The following CREB1 variants were observed in gnomAD, a reference collection of about 807,000 sequenced individuals.
The protein encoded by CREB1 is cyclic AMP-responsive element-binding protein 1.
A neutral mutation model predicts 42.0 loss-of-function variants in CREB1; 2 were observed. That is an observed-to-expected ratio of 0.05 (90% CI 0.02 to 0.15). The LOEUF is 0.15. Ranked by LOEUF, CREB1 falls within the 10% of genes least tolerant of loss-of-function variation. The pLI, the probability that CREB1 is intolerant of heterozygous loss-of-function variation, is 1.00. For synonymous variants in CREB1, 123 were observed against 139.9 expected (o/e 0.88, Z 0.85); for missense variants, 199 against 388.9 (o/e 0.51, Z 4.11).
chr2:207,542,800 T>TG (rs1473474975), intron 1 of CREB1, among the ~76,000 whole-genome samples: 3 of 152,206 alleles, frequency 2.0e-5, no homozygotes, highest in Non-Finnish European at 2.9e-5. Context: ...ATACCATTAT[T>TG]TAATGAAAAA....
In CREB1 at chr2:207,567,701, CAAAT is replaced by C. The variant is rs558186624; in HGVS notation, c.362+142_362+145del. The C allele has an allele frequency of 3.6e-4, 189 of 521,552 alleles. 1 individual carries two copies. Among genetic ancestry groups the C allele is most frequent in the Non-Finnish European group, 5.6e-4 (164 of 291,436 alleles). The allele number at this position is 521,552 out of a possible 1,614,324, so 32.3% of individuals were successfully genotyped here. A position where few individuals can be genotyped will look rare whatever the true frequency, so the allele number is the denominator to read the frequency against. On this transcript the variant is annotated intron_variant, in intron 4 of 7. Transcript: ENST00000353267. ...TTTCTTCATCTTGAGTTATTTGTCT[CAAAT>C]AAAGTGGAAGCTTATCCTACAGAAT... is the stretch of plus-strand genomic sequence containing the variant.
chr2:207,575,123 A>G, intron 5 of CREB1, 149 bp from the exon 6 acceptor site: 4 of 666,332 alleles, frequency 6.0e-6, no homozygotes, highest in South Asian at 7.4e-5. Flanking sequence ...CTGAGGAGCA[A>G]GTTACTTGAA....
In CREB1 at chr2:207,555,395, C is replaced by T. The variant is rs55905989; in HGVS notation, c.-8-233C>T. On this transcript the variant is annotated intron_variant, in intron 1 of 7. Transcript: ENST00000353267. Reference sequence around the variant, plus strand: ...GTAATATCCCATTGGGAAGAAACAGCCAAGGGAGAAGAAATGTTTTTTTCT... The same window carrying T: ...GTAATATCCCATTGGGAAGAAACAGTCAAGGGAGAAGAAATGTTTTTTTCT... Among the ~76,000 whole-genome samples the T allele has an allele frequency of 1.7e-3, 257 of 152,228 alleles. 3 individuals carry two copies. The highest frequency in any genetic ancestry group is 0.013 in the South Asian group (65 of 4,824).
At chr2:207,561,685 G>T (rs1440831883) in intron 3 of CREB1, among the ~76,000 whole-genome samples, 1 of 152,024 alleles carries the variant, frequency 6.6e-6, no homozygotes, top group African/African-American at 2.4e-5. Context: ...GTATAACTCT[G>T]TTTCCTCTTC....
chr2:207,572,859 C>T (rs922075051), intron 5 of CREB1, among the ~76,000 whole-genome samples: 4 of 152,012 alleles, frequency 2.6e-5, no homozygotes, highest in South Asian at 2.1e-4. Flanking sequence ...GCATATCCTC[C>T]GCAAGTACCC....
At chr2:207,592,646 T>C (rs183298784) in intron 7 of CREB1, among the ~76,000 whole-genome samples, 6 of 152,152 alleles carry the variant, frequency 3.9e-5, no homozygotes, top group Admixed American at 3.9e-4. Flanking sequence ...CTTGGCCAGG[T>C]GCAGTGGCTC....
chr2:207,554,538 C>T lies in CREB1; in HGVS notation c.-8-1090C>T, dbSNP rs183503495. On this transcript the variant is annotated intron_variant, in intron 1 of 7. Transcript: ENST00000353267. ...AGGCACTAGAAACATTGCCTATTTT[C>T]CTGAATCCTTTAGACAGGATTGCTT... 8.5e-4 allele frequency among the ~76,000 whole-genome samples: 130 copies of T among 152,254 alleles called. 2 individuals carry two copies. The highest frequency in any genetic ancestry group is 2.9e-3 in the African/African-American group (122 of 41,540).
chr2:207,578,755 G>A lies in CREB1; in HGVS notation c.839+1100G>A, dbSNP rs115218283. On this transcript the variant is annotated intron_variant, in intron 7 of 7. Transcript: ENST00000353267. ...TCTGAGAAATGGCAGAGATTTTTCT[G>A]GGATATTAGAAAAAGAGTTGGAAAC... Among the ~76,000 whole-genome samples, 155 of 145,946 alleles carry A rather than the reference G, an allele frequency of 1.1e-3. 1 individual carries two copies. The highest frequency in any genetic ancestry group is 3.7e-3 in the African/African-American group (150 of 41,002).
At chr2:207,553,434 C>T (rs564942463) in intron 1 of CREB1, among the ~76,000 whole-genome samples, 7 of 152,142 alleles carry the variant, frequency 4.6e-5, no homozygotes, top group African/African-American at 1.7e-4. Flanking sequence ...TTTAAAAGAC[C>T]ACAGTTTGCA....
At chr2:207,576,241 C>CTTTTTTTTTTTTTTTTTTGTTTTT (rs35735523) in intron 6 of CREB1, among the ~76,000 whole-genome samples, 2 of 101,068 alleles carry the variant, frequency 2.0e-5, no homozygotes, top group African/African-American at 3.8e-5. Flanking sequence ...CTTTTTTTGG[C>CTTTTTTTTTTTTTTTTTTGTTTTT]TTTTTTTTTT....
intron 6 of CREB1, chr2:207,577,226 T>G: frequency 8.9e-7 from 1 of 1,117,432 alleles, no homozygotes; most frequent in Non-Finnish European, 1.1e-6. Context: ...AGACTTAAGG[T>G]TGGTAAGCAT....
intron 7 of CREB1, among the ~76,000 whole-genome samples, chr2:207,580,004 C>T (rs2082792738): frequency 6.6e-6 from 1 of 152,148 alleles, no homozygotes; most frequent in Admixed American, 6.5e-5. Context: ...TCAGGCATTA[C>T]TTTATATGCT....
At chr2:207,554,753 A>G (rs1248173989) in intron 1 of CREB1, among the ~76,000 whole-genome samples, 14 of 152,192 alleles carry the variant, frequency 9.2e-5, no homozygotes, top group Admixed American at 9.2e-4. Flanking sequence ...AAAATATATA[A>G]ATAAAAGATT....
chr2:207,553,594 A>C (rs1333656583), intron 1 of CREB1, among the ~76,000 whole-genome samples: 1 of 152,238 alleles, frequency 6.6e-6, no homozygotes, highest in Non-Finnish European at 1.5e-5. Flanking sequence ...ATTTCATATA[A>C]AAAAGTATCT....
intron 7 of CREB1, chr2:207,582,221 G>A (rs1167220941): frequency 2.8e-6 from 2 of 701,776 alleles, no homozygotes; most frequent in African/African-American, 3.5e-5. Context: ...CAGTAATTAG[G>A]TGTATTTTAG....
intron 1 of CREB1, among the ~76,000 whole-genome samples, chr2:207,530,640 C>T (rs2080570826): frequency 6.7e-6 from 1 of 150,130 alleles, no homozygotes; most frequent in Admixed American, 6.6e-5. Flanking sequence ...GGGGCAGCCG[C>T]CGCCTAGGTG....
Position 207,549,971 on chromosome 2 carries a change from A to G in CREB1, c.-8-5657A>G, listed in dbSNP as rs997669848. ...GGCGAAAGAGCGAGACTCCATCTCAAAAAAAAAAAAAAGAGAGAAAAGAAT... is the reference window on the plus strand; with the variant it reads ...GGCGAAAGAGCGAGACTCCATCTCAGAAAAAAAAAAAAGAGAGAAAAGAAT... On this transcript the variant is annotated intron_variant, in intron 1 of 7. Coordinates refer to ENST00000353267, the MANE Select transcript of CREB1 (RefSeq NM_004379.5). Among the ~76,000 whole-genome samples, 3 of 146,550 alleles carry G rather than the reference A, an allele frequency of 2.0e-5. No homozygotes were observed. The Admixed American group carries it at 2.1e-4, about 10-fold the overall frequency.
Position 207,603,075 on chromosome 2 carries a change from T to C in CREB1, c.*6017T>C, listed in dbSNP as rs946545716. The C allele has an allele frequency of 4.7e-6, 1 of 211,490 alleles. No homozygotes were observed. The highest frequency in any genetic ancestry group is 9.6e-6 in the Non-Finnish European group (1 of 104,428). 13.1% of individuals were successfully genotyped at this position (211,490 alleles called of 1,614,324 possible). ...TATTGATTTTTAACTCTGATGTTTC[T>C]ATTGGAGTTGAATACTAAATAAATA... On this transcript the variant is annotated 3_prime_UTR_variant, in exon 8 of 8. Transcript: ENST00000353267.
At chr2:207,553,554 T>G (rs1490182093) in intron 1 of CREB1, among the ~76,000 whole-genome samples, 1 of 152,218 alleles carries the variant, frequency 6.6e-6, no homozygotes, top group Non-Finnish European at 1.5e-5. Flanking sequence ...AAATACAGGG[T>G]GAATAGGCAA....
Sources: gnomAD v4.1 joint callset for allele counts (sites outside exome capture counted in the v4.1 genomes callset) on GRCh38, gnomAD v4.1.1 for gene constraint, MANE v1.5 for transcripts, NCBI Gene and HGNC (gene_info 2026-07-23, HGNC 2026-07-21) for gene names.